The following ASZ1 variants were observed in gnomAD, a reference collection of about 807,000 sequenced individuals.
The protein encoded by ASZ1 is ankyrin repeat, SAM and basic leucine zipper domain containing 1, also known as ankyrin repeat, SAM and basic leucine zipper domain-containing protein 1.
ASZ1 carries 67 observed loss-of-function variants against 61.8 expected under a neutral mutation model. The ratio of observed to expected loss-of-function variants is 1.08; its 90% CI spans 0.89 to 1.33. ASZ1 has a LOEUF of 1.33. Ranked by LOEUF, ASZ1 falls within the 40% of genes most tolerant of loss-of-function variation. ASZ1 has a pLI of 0.00. For synonymous variants in ASZ1, 193 were observed against 192.7 expected (o/e 1.00, Z -0.01); for missense variants, 577 against 554.5 (o/e 1.04, Z -0.41).
At chr7:117,364,419 CAG>C (rs35394991) in intron 12 of ASZ1, among the ~76,000 whole-genome samples, 73,053 of 144,684 alleles carry the variant, frequency 0.5, 19,482 homozygotes, top group African/African-American at 0.74. Flanking sequence ...GACAGAGAGA[CAG>C]AGAGAGAGAG....
At chr7:117,365,365 T>C (rs945356518) in intron 12 of ASZ1, among the ~76,000 whole-genome samples, 1 of 152,192 alleles carries the variant, frequency 6.6e-6, no homozygotes, top group African/African-American at 2.4e-5. Flanking sequence ...ATTATTAAAA[T>C]AAATATGGTA....
intron 4 of ASZ1, among the ~76,000 whole-genome samples, chr7:117,392,442 T>A (rs905468107): frequency 2.6e-4 from 40 of 152,314 alleles, no homozygotes; most frequent in Non-Finnish European, 5.1e-4. Context: ...ATTATTTCAT[T>A]TTTTGCAGTT....
chr7:117,364,444 AAG>A (rs1357541093), intron 12 of ASZ1, among the ~76,000 whole-genome samples: 1 of 139,268 alleles, frequency 7.2e-6, no homozygotes, highest in Non-Finnish European at 1.5e-5. Context: ...AGAGAGAGAG[AAG>A]GGGGAAGTGA....
intron 4 of ASZ1, among the ~76,000 whole-genome samples, chr7:117,394,309 C>G (rs974733305): frequency 3.3e-5 from 5 of 152,126 alleles, no homozygotes; most frequent in Non-Finnish European, 7.4e-5. Flanking sequence ...GTCTCAAACT[C>G]TTGCGCTCAA....
chr7:117,385,650 A>T, intron 5 of ASZ1, 48 bp downstream of exon 5: 2 of 1,418,046 alleles, frequency 1.4e-6, no homozygotes, highest in African/African-American at 1.4e-5. Flanking sequence ...TTTGTAGATT[A>T]CTGATAATAA....
chr7:117,401,817 T>C (rs957191450), intron 4 of ASZ1, among the ~76,000 whole-genome samples: 1 of 152,064 alleles, frequency 6.6e-6, no homozygotes, highest in Non-Finnish European at 1.5e-5. Flanking sequence ...AATCTTCGGG[T>C]TGGCCACTCC....
chr7:117,405,557 T>G (rs1796766780), intron 4 of ASZ1, among the ~76,000 whole-genome samples: 1 of 152,236 alleles, frequency 6.6e-6, no homozygotes, highest in African/African-American at 2.4e-5. Flanking sequence ...GCAGTGGGCC[T>G]CATCCATCAA....
intron 4 of ASZ1, among the ~76,000 whole-genome samples, chr7:117,402,590 T>C (rs116750231): frequency 0.014 from 2,140 of 152,252 alleles, 54 homozygotes; most frequent in African/African-American, 0.049. Flanking sequence ...ATGACTTTAG[T>C]TTGTTTAAAG....
At chr7:117,373,849 C>G (rs1163174815) in intron 10 of ASZ1, among the ~76,000 whole-genome samples, 1 of 151,956 alleles carries the variant, frequency 6.6e-6, no homozygotes, top group Non-Finnish European at 1.5e-5. Context: ...TATATAAAAA[C>G]ATTTAATTTG....
intron 3 of ASZ1, 65 bp from the exon 4 acceptor site, chr7:117,420,339 C>T (rs1379541097): frequency 8.9e-7 from 1 of 1,125,598 alleles, no homozygotes; most frequent in Admixed American, 2.0e-5. Context: ...GATGTCTTTA[C>T]CACTCAAAAC....
In ASZ1 at chr7:117,363,694, A is replaced by C. The variant is rs769452120; in HGVS notation, c.1330T>G (p.Ser444Ala). The change falls in exon 13 of 13, where the codon TCT becomes GCT. Residue 444 changes from serine to alanine, a missense_variant. Ser to Ala is a moderately conservative substitution (Grantham distance 99). Coordinates refer to ENST00000284629, the MANE Select transcript of ASZ1 (RefSeq NM_130768.3). ...PTHIQLREEV[S>A]TWNSRILKRT... ...TTCAAAATTCTACTATTCCATGTAG[A>C]TACTTCTTCCCTTAATTGTATATGA... The C allele has an allele frequency of 2.2e-5, 35 of 1,606,968 alleles. No homozygotes were observed. The highest frequency in any genetic ancestry group is 3.3e-5 in the South Asian group (3 of 89,966).
rs746814557 is a variant in ASZ1 at position 117,426,873 on chromosome 7, G to A, written c.168C>T (p.Ile56=). ...GCTCCTGGACCAATGAAACATCTCC[G>A]ATGGTCATTGCTTTCTTAAATTTTT... ...KKEKFKKAMT[I]GDVSLVQELL... Residue 56 remains isoleucine (I), a synonymous_variant, in exon 2 of 13, where the codon ATC becomes ATT. Transcript: ENST00000284629. 18 of 1,613,136 alleles carry A rather than the reference G, an allele frequency of 1.1e-5. No homozygotes were observed. The highest frequency in any genetic ancestry group is 3.3e-5 in the South Asian group (3 of 90,774).
chr7:117,403,716 T>C (rs1796723371), intron 4 of ASZ1, among the ~76,000 whole-genome samples: 1 of 152,076 alleles, frequency 6.6e-6, no homozygotes, highest in African/African-American at 2.4e-5. Context: ...TGTTACCATA[T>C]ATGAGTGCAC....
At chr7:117,393,944 C>T (rs891643207) in intron 4 of ASZ1, among the ~76,000 whole-genome samples, 3 of 152,148 alleles carry the variant, frequency 2.0e-5, no homozygotes, top group Non-Finnish European at 4.4e-5. Flanking sequence ...CTTATCCTTA[C>T]TATTCAACAA....
chr7:117,383,254 C>T, intron 6 of ASZ1, 144 bp from the exon 7 acceptor site: 1 of 968,082 alleles, frequency 1.0e-6, no homozygotes. Context: ...ATTTACTACC[C>T]TGATAACAAC....
intron 4 of ASZ1, among the ~76,000 whole-genome samples, chr7:117,386,174 G>T (rs980076296): frequency 1.3e-5 from 2 of 152,090 alleles, no homozygotes. Context: ...CACAAATAAG[G>T]TCCCTGCCCT....
At chr7:117,400,244 T>C (rs1796654914) in intron 4 of ASZ1, among the ~76,000 whole-genome samples, 1 of 152,200 alleles carries the variant, frequency 6.6e-6, no homozygotes. Context: ...AATGATAAAA[T>C]GCTAGGAATT....
Position 117,384,707 on chromosome 7 carries a change from A to C in ASZ1, c.687+19T>G, listed in dbSNP as rs2116472966. The stretch of plus-strand genomic sequence containing the variant: ...GTGATATGCCACAGAAAATAAGTTT[A>C]ATATGTACAGAAGGATACCTCATGA... On this transcript the variant is annotated intron_variant, in intron 6 of 12. Coordinates refer to ENST00000284629, the MANE Select transcript of ASZ1 (RefSeq NM_130768.3). 1 of 1,594,836 alleles carries C rather than the reference A, an allele frequency of 6.3e-7. No individual in the cohort carries two copies. The highest frequency in any genetic ancestry group is 8.5e-7 in the Non-Finnish European group (1 of 1,170,818).
intron 2 of ASZ1, among the ~76,000 whole-genome samples, chr7:117,424,485 A>C (rs1486626497): frequency 2.0e-5 from 3 of 152,232 alleles, no homozygotes; most frequent in Admixed American, 2.0e-4. Flanking sequence ...TTCTACCTAT[A>C]TCTCTATTAC....
Sources: gnomAD v4.1 joint callset for allele counts (sites outside exome capture counted in the v4.1 genomes callset) on GRCh38, gnomAD v4.1.1 for gene constraint, MANE v1.5 for transcripts, NCBI Gene and HGNC (gene_info 2026-07-23, HGNC 2026-07-21) for gene names.